DLGAP2: variants seen among roughly 807,000 people sequenced by gnomAD.
The protein encoded by DLGAP2 is DLG associated protein 2, also known as disks large-associated protein 2.
In DLGAP2, 26 loss-of-function variants were observed where a neutral mutation model predicts 100.3. The observed-to-expected ratio is 0.26, with a 90% CI of 0.19 to 0.36. The LOEUF (loss-of-function observed/expected upper bound fraction) is 0.36, where lower values mean the gene tolerates loss of function less well. DLGAP2 is among the 10% of genes least tolerant of loss of function. DLGAP2 has a pLI of 1.00. For missense variants in DLGAP2, 1,858 were observed against 1,453.2 expected, an observed-to-expected ratio of 1.28 and a Z score of -4.53; for synonymous variants, 886 against 630.1, an observed-to-expected ratio of 1.41 and a Z score of -6.08.
chr8:1,055,419 A>C (rs1389716615), intron 2 of DLGAP2, among the ~76,000 whole-genome samples: 1 of 152,230 alleles, frequency 6.6e-6, no homozygotes, highest in Non-Finnish European at 1.5e-5. Context: ...TAATGTAATA[A>C]GATATCTAGG....
chr8:1,227,017 A>T (rs1798429832), intron 2 of DLGAP2, among the ~76,000 whole-genome samples: 1 of 150,716 alleles, frequency 6.6e-6, no homozygotes, highest in African/African-American at 2.5e-5. Flanking sequence ...ATTGTACCCA[A>T]AGGGAACAAA....
intron 3 of DLGAP2, among the ~76,000 whole-genome samples, chr8:1,324,439 T>G (rs528079162): frequency 6.6e-6 from 1 of 152,344 alleles, no homozygotes; most frequent in East Asian, 1.9e-4. Context: ...TCGTCTGCGT[T>G]ACTGTCTGAA....
intron 3 of DLGAP2, among the ~76,000 whole-genome samples, chr8:1,474,691 G>C (rs1221329233): frequency 6.6e-6 from 1 of 152,128 alleles, no homozygotes; most frequent in Non-Finnish European, 1.5e-5. Context: ...TCTCACATCA[G>C]TCAAAAATGG....
chr8:1,514,599 G>A (rs1035984780), intron 4 of DLGAP2, among the ~76,000 whole-genome samples: 5 of 152,194 alleles, frequency 3.3e-5, no homozygotes, highest in South Asian at 2.1e-4. Flanking sequence ...ACCTCCAGGC[G>A]CCGCTAGAGA....
At chr8:946,458 T>C (rs1462101579) in intron 2 of DLGAP2, among the ~76,000 whole-genome samples, 1 of 151,444 alleles carries the variant, frequency 6.6e-6, no homozygotes, top group Non-Finnish European at 1.5e-5. Context: ...AGAGACGGGG[T>C]TTCACCATAT....
chr8:1,564,277 T>C (rs2906584), intron 5 of DLGAP2, among the ~76,000 whole-genome samples: 68,583 of 151,780 alleles, frequency 0.45, 15,654 homozygotes, highest in Middle Eastern at 0.59. Context: ...ATGGAAACCA[T>C]TGTGTTCCAG....
chr8:1,326,590 A>C (rs944042967), intron 3 of DLGAP2, among the ~76,000 whole-genome samples: 1 of 151,532 alleles, frequency 6.6e-6, no homozygotes, highest in Non-Finnish European at 1.5e-5. Flanking sequence ...GTCACTCAGG[A>C]CACGGCGCGT....
At chr8:1,569,743 C>T (rs189024349) in intron 6 of DLGAP2, among the ~76,000 whole-genome samples, 67 of 152,368 alleles carry the variant, frequency 4.4e-4, no homozygotes, top group African/African-American at 1.5e-3. Flanking sequence ...CCAAGGCTCT[C>T]AGCTGAAGGT....
intron 1 of DLGAP2, among the ~76,000 whole-genome samples, chr8:850,890 C>T (rs967975146): frequency 1.9e-4 from 29 of 151,868 alleles, no homozygotes; most frequent in Non-Finnish European, 2.4e-4. Flanking sequence ...AAATTTTTCT[C>T]ACAAAATATT....
At position 1,254,948 on chromosome 8, in the gene DLGAP2, T is replaced by TGCTGTGTGTGTGTCTTCTCCTGCCCGGCC. The variant is rs1799143652; in HGVS notation, c.74-3889_74-3888insTTCTCCTGCCCGGCCGCTGTGTGTGTGTC. Among the ~76,000 whole-genome samples, 19 of 125,542 alleles carry TGCTGTGTGTGTGTCTTCTCCTGCCCGGCC rather than the reference T, an allele frequency of 1.5e-4. 1 individual carries two copies. The highest frequency in any genetic ancestry group is 5.9e-4 in the African/African-American group (16 of 27,140). 82.4% of individuals were successfully genotyped at this position (125,542 alleles called of 152,430 possible). A position where few individuals can be genotyped will look rare whatever the true frequency, so the allele number is the denominator to read the frequency against. ...GTGTGTGTGCCCTCTCCTGCCCGGG[T>TGCTGTGTGTGTGTCTTCTCCTGCCCGGCC]GCTGTGTGTGTGTCCTCTCATCCTG... On this transcript the variant is annotated intron_variant, in intron 2 of 14. Transcript: ENST00000637795.
intron 2 of DLGAP2, among the ~76,000 whole-genome samples, chr8:1,212,177 C>T (rs1798119524): frequency 6.6e-6 from 1 of 152,216 alleles, no homozygotes; most frequent in Admixed American, 6.5e-5. Flanking sequence ...CCCACATTCC[C>T]AAGAGCCTCA....
intron 6 of DLGAP2, among the ~76,000 whole-genome samples, chr8:1,597,633 G>T (rs1176870926): frequency 1.3e-5 from 2 of 152,124 alleles, no homozygotes; most frequent in East Asian, 3.9e-4. Flanking sequence ...TGTAGCAATT[G>T]TGAATGAGAG....
intron 3 of DLGAP2, among the ~76,000 whole-genome samples, chr8:1,352,281 G>T (rs1315842765): frequency 7.6e-6 from 1 of 132,412 alleles, no homozygotes; most frequent in Non-Finnish European, 1.7e-5. Flanking sequence ...GAAAGGACGT[G>T]CGGGTCCTGA....
At chr8:1,317,226 G>A (rs1477465593) in intron 3 of DLGAP2, among the ~76,000 whole-genome samples, 13 of 133,340 alleles carry the variant, frequency 9.7e-5, no homozygotes, top group African/African-American at 3.6e-4. Context: ...CGAGACACTC[G>A]GCAGCGTTTA....
intron 2 of DLGAP2, among the ~76,000 whole-genome samples, chr8:915,957 G>A (rs1040355849): frequency 2.1e-5 from 3 of 145,246 alleles, no homozygotes; most frequent in East Asian, 2.0e-4. Context: ...CTGCCCGTCC[G>A]TCAGTTCACC....
At chr8:1,464,139 C>G (rs578196882) in intron 3 of DLGAP2, among the ~76,000 whole-genome samples, 6 of 151,848 alleles carry the variant, frequency 4.0e-5, no homozygotes, top group African/African-American at 1.4e-4. Context: ...CGTTCCAGGA[C>G]AGCACCCATC....
chr8:1,149,214 C>T (rs1057208102), intron 2 of DLGAP2, among the ~76,000 whole-genome samples: 6 of 152,022 alleles, frequency 3.9e-5, no homozygotes, highest in Admixed American at 2.0e-4. Flanking sequence ...GGCGCAATGT[C>T]GGCTCACTGC....
chr8:1,635,369 G>C (rs1043082949), intron 8 of DLGAP2, among the ~76,000 whole-genome samples: 2 of 152,156 alleles, frequency 1.3e-5, no homozygotes, highest in African/African-American at 4.8e-5. Context: ...AAAGTTTCCT[G>C]TCCGTGAGTC....
At chr8:1,698,669 T>TCC (rs1799478341) in intron 14 of DLGAP2, among the ~76,000 whole-genome samples, 1 of 148,898 alleles carries the variant, frequency 6.7e-6, no homozygotes, top group African/African-American at 2.5e-5. Flanking sequence ...GTGGGACAGG[T>TCC]CAGTGTAAGC....
Sources: gnomAD v4.1 joint callset for allele counts (sites outside exome capture counted in the v4.1 genomes callset) on GRCh38, gnomAD v4.1.1 for gene constraint, MANE v1.5 for transcripts, NCBI Gene and HGNC (gene_info 2026-07-23, HGNC 2026-07-21) for gene names.